Variants in UNC50 observed in about 807,000 individuals in gnomAD.
The protein encoded by UNC50 is protein unc-50 homolog.
In UNC50, 24 loss-of-function variants were observed where a neutral mutation model predicts 31.5. The ratio of observed to expected loss-of-function variants is 0.76; its 90% CI spans 0.55 to 1.07. UNC50 has a LOEUF of 1.07. Among genes scored for constraint, UNC50 ranks in the 50% least tolerant of loss-of-function variants. UNC50 has a pLI of 0.00. For synonymous variants in UNC50, 118 were observed against 114.7 expected (o/e 1.03, Z -0.18); for missense variants, 245 against 304.2 (o/e 0.81, Z 1.45).
Position 98,609,770 on chromosome 2 carries a change from G to C in UNC50, c.11G>C (p.Ser4Thr). ...CTTCCATCTAGGAAGATGTTACCGA[G>C]TACTTCAGTGAATTCCTTAGTGCAG... Reference protein sequence around the residue: MLPSTSVNSLVQGN... With the variant: MLPTTSVNSLVQGN... Residue 4 changes from serine (S) to threonine (T), a missense_variant, in exon 2 of 6, where the codon AGT becomes ACT. Coordinates refer to ENST00000357765, the MANE Select transcript of UNC50 (RefSeq NM_014044.7). 1.9e-6 allele frequency: 3 copies of C among 1,614,250 alleles called. No individual in the cohort carries two copies. The highest frequency in any genetic ancestry group is 2.5e-6 in the Non-Finnish European group (3 of 1,180,044).
intron 3 of UNC50, among the ~76,000 whole-genome samples, chr2:98,612,013 A>C (rs932434104): frequency 5.6e-5 from 7 of 125,092 alleles, no homozygotes; most frequent in African/African-American, 1.9e-4. Context: ...GGGCTTTATC[A>C]GAAGGGTTCT....
At chr2:98,609,576 G>A in intron 1 of UNC50, 180 bp from the exon 2 acceptor site, 1 of 903,696 alleles carries the variant, frequency 1.1e-6, no homozygotes. Context: ...GCAGTCTGCG[G>A]TTCCCAAGCC....
chr2:98,616,704 T>G (rs1315191772), intron 5 of UNC50, among the ~76,000 whole-genome samples, 171 bp downstream of exon 5: 4 of 152,238 alleles, frequency 2.6e-5, no homozygotes, highest in Non-Finnish European at 5.9e-5. Context: ...GTTTCTGTTT[T>G]CAAATGAGGA....
chr2:98,610,944 T>A, intron 3 of UNC50, 49 bp downstream of exon 3: 1 of 1,578,146 alleles, frequency 6.3e-7, no homozygotes, highest in Non-Finnish European at 8.6e-7. Flanking sequence ...GCATCTCCAT[T>A]TGTTTGCTTC....
In UNC50 at chr2:98,618,327, G is replaced by GT; in HGVS notation, c.*24dup. On this transcript the variant is annotated 3_prime_UTR_variant, in exon 6 of 6. Coordinates refer to ENST00000357765, the MANE Select transcript of UNC50 (RefSeq NM_014044.7). ...TAAAAAGTGAGAAGAAGATTCAATC[G>GT]TAACTGTGTCAACAGTATTGTGAAG... 1 of 1,585,492 alleles carries GT rather than the reference G, an allele frequency of 6.3e-7. No homozygotes were observed. The highest frequency in any genetic ancestry group is 1.4e-5 in the African/African-American group (1 of 73,204).
chr2:98,609,643 G>A (rs968797041), intron 1 of UNC50, 113 bp from the exon 2 acceptor site: 1 of 1,528,996 alleles, frequency 6.5e-7, no homozygotes, highest in African/African-American at 1.4e-5. Flanking sequence ...CTTTCTCTAG[G>A]GTTGGGAAGA....
chr2:98,610,704 G>C, intron 2 of UNC50, 71 bp from the exon 3 acceptor site: 1 of 1,562,394 alleles, frequency 6.4e-7, no homozygotes, highest in Non-Finnish European at 8.7e-7. Flanking sequence ...CATCTGGAGG[G>C]CAAGGGATGT....
intron 5 of UNC50, 45 bp from the exon 6 acceptor site, chr2:98,618,120 TTTA>T (rs1252969858): frequency 6.5e-6 from 9 of 1,385,336 alleles, no homozygotes; most frequent in African/African-American, 6.0e-5. Flanking sequence ...TTATTAGTCA[TTTA>T]TTTTTTTTTT....
At chr2:98,616,067 C>G (rs2104186243) in intron 3 of UNC50, 140 bp from the exon 4 acceptor site, 1 of 736,688 alleles carries the variant, frequency 1.4e-6, no homozygotes, top group South Asian at 2.0e-5. Flanking sequence ...GCCTTCCTTC[C>G]TAGATGGAAG....
At chr2:98,614,832 G>A (rs1024990849) in intron 3 of UNC50, among the ~76,000 whole-genome samples, 12 of 152,130 alleles carry the variant, frequency 7.9e-5, no homozygotes, top group African/African-American at 2.4e-4. Flanking sequence ...TTCAGATAAC[G>A]AAATGCAGGG....
intron 3 of UNC50, among the ~76,000 whole-genome samples, chr2:98,611,556 G>A (rs1017414518): frequency 3.3e-5 from 5 of 152,274 alleles, no homozygotes; most frequent in African/African-American, 1.2e-4. Context: ...AGGACTTTCT[G>A]TCCCACACCT....
intron 3 of UNC50, among the ~76,000 whole-genome samples, chr2:98,615,403 C>G (rs1700904401): frequency 6.6e-6 from 1 of 152,218 alleles, no homozygotes; most frequent in Non-Finnish European, 1.5e-5. Context: ...CACACTCCTT[C>G]CCACCTCAAA....
At chr2:98,608,869 C>A in intron 1 of UNC50, 143 bp downstream of exon 1, 1 of 248,404 alleles carries the variant, frequency 4.0e-6, no homozygotes, top group Non-Finnish European at 8.0e-6. Flanking sequence ...GATAGAGTTG[C>A]GGCTAAAATG....
intron 3 of UNC50, among the ~76,000 whole-genome samples, chr2:98,612,024 C>T (rs901968110): frequency 2.2e-5 from 3 of 134,822 alleles, no homozygotes; most frequent in Non-Finnish European, 4.7e-5. Flanking sequence ...GAAGGGTTCT[C>T]AGTCTGACTT....
Position 98,610,914 on chromosome 2 carries a change from G to A in UNC50, c.401+19G>A, listed in dbSNP as rs368837225. 6 of 1,609,770 alleles carry A rather than the reference G, an allele frequency of 3.7e-6. No homozygotes were observed. Among genetic ancestry groups the A allele is most frequent in the East Asian group, 2.2e-5 (1 of 44,788 alleles). On this transcript the variant is annotated intron_variant, in intron 3 of 5. Coordinates refer to ENST00000357765, the MANE Select transcript of UNC50 (RefSeq NM_014044.7). Reference sequence around the variant, plus strand: ...TAATGTGGTAAGTACCATAACTTTGGTTTTTCAGATACTGCTGTAGCATCT... The same window carrying A: ...TAATGTGGTAAGTACCATAACTTTGATTTTTCAGATACTGCTGTAGCATCT...
chr2:98,612,148 G>A (rs1700844059), intron 3 of UNC50, among the ~76,000 whole-genome samples: 1 of 152,164 alleles, frequency 6.6e-6, no homozygotes, highest in African/African-American at 2.4e-5. Context: ...GATCTCAGTA[G>A]AGGACCAGTG....
chr2:98,614,198 TG>T (rs1372857068), intron 3 of UNC50, among the ~76,000 whole-genome samples: 1 of 152,078 alleles, frequency 6.6e-6, no homozygotes, highest in East Asian at 1.9e-4. Context: ...GAGTAGTGAG[TG>T]GGCAAGGCTG....
chr2:98,609,798 G>T lies in UNC50; in HGVS notation c.39G>T (p.Gly13=). ...CTTCAGTGAATTCCTTAGTGCAGGG[G>T]AACGGAGTCTTGAATTCCAGGGATG... ...PSTSVNSLVQ[G]NGVLNSRDAA... is the part of the protein sequence containing the mutation. The change falls in exon 2 of 6, where the codon GGG becomes GGT. Residue 13 remains glycine (G), a synonymous_variant. Transcript: ENST00000357765. 1 of 1,614,248 alleles carries T rather than the reference G, an allele frequency of 6.2e-7. No homozygotes were observed. Among genetic ancestry groups the T allele is most frequent in the Non-Finnish European group, 8.5e-7 (1 of 1,180,052 alleles).
intron 3 of UNC50, among the ~76,000 whole-genome samples, chr2:98,613,424 C>T (rs1700869146): frequency 6.6e-6 from 1 of 152,194 alleles, no homozygotes; most frequent in African/African-American, 2.4e-5. Flanking sequence ...TTAATTGACT[C>T]ACAGTTCTGC....
Sources: allele counts gnomAD v4.1 joint callset (sites outside exome capture counted in the v4.1 genomes callset), GRCh38; gene constraint gnomAD v4.1.1; transcripts MANE v1.5; gene names NCBI Gene and HGNC (gene_info 2026-07-23, HGNC 2026-07-21).